The following WDR27 variants were observed in gnomAD, a reference collection of about 807,000 sequenced individuals.
WDR27 encodes WD repeat-containing protein 27.
A neutral mutation model predicts 114.4 loss-of-function variants in WDR27; 100 were observed. The observed-to-expected ratio is 0.87, with a 90% CI of 0.74 to 1.03. WDR27 has a LOEUF of 1.03. Among genes scored for constraint, WDR27 ranks in the 50% least tolerant of loss-of-function variants. The pLI is 0.00. For synonymous variants in WDR27, 449 were observed against 423.1 expected (o/e 1.06, Z -0.75); for missense variants, 1,129 against 1,092.9 (o/e 1.03, Z -0.47).
intron 8 of WDR27, chr6:169,663,735 T>C: frequency 5.7e-6 from 1 of 175,526 alleles, no homozygotes; most frequent in South Asian, 1.4e-4. Context: ...CAGGTGAGGA[T>C]GTGAGGGTGC....
rs1799094647 is a variant in WDR27 at position 169,557,549 on chromosome 6, T to C, written c.2645+14870A>G. The stretch of plus-strand genomic sequence containing the variant: ...AGAACATGTGCTTATTCAGTGCCTC[T>C]GCAGATGAACTGCCAATACTTTTAT... On this transcript the variant is annotated intron_variant, in intron 25 of 25. Transcript: ENST00000448612. Among the ~76,000 whole-genome samples, 4 of 152,380 alleles carry C rather than the reference T, an allele frequency of 2.6e-5. No individual in the cohort carries two copies. In the South Asian group the frequency reaches 8.3e-4, roughly 32 times the overall value.
chr6:169,433,283 CCCTGTTT>C, the WDR27 span, among the ~76,000 whole-genome samples: 25 of 152,248 alleles, frequency 1.6e-4, no homozygotes, highest in East Asian at 9.7e-4. Context: ...ATGTTCTCCT[CCCTGTTT>C]CCATGTGTTC....
At chr6:169,494,949 T>C (rs1267982791) in intron 25 of WDR27, among the ~76,000 whole-genome samples, 2 of 152,198 alleles carry the variant, frequency 1.3e-5, no homozygotes, top group Non-Finnish European at 2.9e-5. Flanking sequence ...TGCTGTGATA[T>C]AATGCTGAAA....
chr6:169,463,968 G>A (rs1785224408), intron 25 of WDR27, among the ~76,000 whole-genome samples: 1 of 152,116 alleles, frequency 6.6e-6, no homozygotes, highest in Non-Finnish European at 1.5e-5. Flanking sequence ...TACCCACAGT[G>A]ATCTACAGAT....
chr6:169,563,815 G>C (rs1345075648), intron 25 of WDR27, among the ~76,000 whole-genome samples: 2 of 152,188 alleles, frequency 1.3e-5, no homozygotes, highest in Non-Finnish European at 2.9e-5. Flanking sequence ...GGTGGGTGGA[G>C]GTTTAAAAGG....
chr6:169,542,844 T>G, intron 25 of WDR27, among the ~76,000 whole-genome samples: 1 of 152,110 alleles, frequency 6.6e-6, no homozygotes, highest in Non-Finnish European at 1.5e-5. Flanking sequence ...AATTTTCCAG[T>G]AGCCATATTT....
chr6:169,465,986 C>T (rs34287667), intron 25 of WDR27, among the ~76,000 whole-genome samples: 4,364 of 152,218 alleles, frequency 0.029, 102 homozygotes, highest in Non-Finnish European at 0.042. Context: ...ACACCACTCA[C>T]TATAGACTTA....
intron 25 of WDR27, among the ~76,000 whole-genome samples, chr6:169,523,627 T>A (rs570324075): frequency 1.3e-5 from 2 of 152,142 alleles, no homozygotes; most frequent in East Asian, 3.9e-4. Flanking sequence ...ATCCTGGGGA[T>A]GCCAACATAT....
intron 25 of WDR27, among the ~76,000 whole-genome samples, chr6:169,515,601 T>G (rs1438982375): frequency 6.6e-6 from 1 of 152,098 alleles, no homozygotes; most frequent in Non-Finnish European, 1.5e-5. Context: ...AAGTGTTCAG[T>G]AAAATCATAA....
the WDR27 span, among the ~76,000 whole-genome samples, chr6:169,437,920 G>A: frequency 6.6e-6 from 1 of 151,816 alleles, no homozygotes; most frequent in African/African-American, 2.4e-5. Context: ...AAACTTTTAT[G>A]TTAGATTCAG....
At chr6:169,569,528 TAATC>T (rs1207313619) in intron 25 of WDR27, among the ~76,000 whole-genome samples, 2 of 152,226 alleles carry the variant, frequency 1.3e-5, no homozygotes, top group African/African-American at 4.8e-5. Context: ...CCTGAGTTCT[TAATC>T]AATTATTAAA....
chr6:169,533,392 T>G (rs1453054444), intron 25 of WDR27, among the ~76,000 whole-genome samples: 3 of 152,164 alleles, frequency 2.0e-5, no homozygotes, highest in African/African-American at 7.2e-5. Flanking sequence ...TGGGGACTCC[T>G]GAAACTTTTT....
intron 23 of WDR27, among the ~76,000 whole-genome samples, chr6:169,599,833 G>T (rs1304028708): frequency 1.3e-5 from 2 of 152,080 alleles, no homozygotes; most frequent in African/African-American, 2.4e-5. Context: ...TGCTTCTCTA[G>T]TTCTTTTAAT....
chr6:169,531,070 CAG>C (rs1206113200), intron 25 of WDR27, among the ~76,000 whole-genome samples: 1 of 152,190 alleles, frequency 6.6e-6, no homozygotes, highest in East Asian at 1.9e-4. Context: ...TCCATGAAAA[CAG>C]AATCTTGGCC....
the WDR27 span, among the ~76,000 whole-genome samples, chr6:169,451,081 C>A: frequency 4.0e-4 from 61 of 152,266 alleles, no homozygotes; most frequent in African/African-American, 1.5e-3. Context: ...CCTTGTGGAA[C>A]AAGGACAGAC....
At chr6:169,585,322 CAAATA>C (rs1402664228) in intron 23 of WDR27, among the ~76,000 whole-genome samples, 1 of 152,184 alleles carries the variant, frequency 6.6e-6, no homozygotes, top group African/African-American at 2.4e-5. Context: ...TTCGGCTCAG[CAAATA>C]AAATAATCAC....
intron 25 of WDR27, among the ~76,000 whole-genome samples, chr6:169,563,510 A>C (rs1026587675): frequency 6.6e-6 from 1 of 152,124 alleles, no homozygotes; most frequent in Non-Finnish European, 1.5e-5. Flanking sequence ...TTCAGTTTAA[A>C]ATTCAAGTGT....
At chr6:169,496,230 AT>A (rs1400886975) in intron 25 of WDR27, among the ~76,000 whole-genome samples, 1 of 152,122 alleles carries the variant, frequency 6.6e-6, no homozygotes, top group Non-Finnish European at 1.5e-5. Context: ...AGAAAAAAGC[AT>A]TTCACAAAAT....
At chr6:169,574,109 G>A (rs989836385) in intron 24 of WDR27, among the ~76,000 whole-genome samples, 3 of 152,262 alleles carry the variant, frequency 2.0e-5, no homozygotes, top group East Asian at 1.9e-4. Flanking sequence ...CGCATGTGGC[G>A]CGCAGCTGCA....
Sources: gnomAD v4.1 joint callset for allele counts (sites outside exome capture counted in the v4.1 genomes callset) on GRCh38, gnomAD v4.1.1 for gene constraint, MANE v1.5 for transcripts, NCBI Gene and HGNC (gene_info 2026-07-23, HGNC 2026-07-21) for gene names.